The following SLC71A2 variants were observed in gnomAD, a reference collection of about 807,000 sequenced individuals.
SLC71A2 encodes solute carrier family 71 member 2.
At chr9:94,440,692 T>C in the SLC71A2 span, among the ~76,000 whole-genome samples, 6 of 152,138 alleles carry the variant, frequency 3.9e-5, no homozygotes. Flanking sequence ...TTTTTCTGTC[T>C]GTTGGCTACC....
the SLC71A2 span, among the ~76,000 whole-genome samples, chr9:94,452,611 G>A: frequency 8.0e-6 from 1 of 124,290 alleles, no homozygotes; most frequent in African/African-American, 2.9e-5. Flanking sequence ...AAGAGAGAGG[G>A]AGAATATATA....
the SLC71A2 span, among the ~76,000 whole-genome samples, chr9:94,384,471 C>T: frequency 6.6e-6 from 1 of 151,888 alleles, no homozygotes; most frequent in Non-Finnish European, 1.5e-5. Context: ...TCCCAAGTAG[C>T]TGAGAGTACA....
At chr9:94,416,085 G>T in the SLC71A2 span, among the ~76,000 whole-genome samples, 1 of 152,186 alleles carries the variant, frequency 6.6e-6, no homozygotes, top group Non-Finnish European at 1.5e-5. Flanking sequence ...CATCTATGAT[G>T]CGGTTAGAAG....
At chr9:94,459,595 CT>C in the SLC71A2 span, 24,881 of 425,016 alleles carry the variant, frequency 0.059, 3 homozygotes, top group East Asian at 0.1. Context: ...CTCTTACATT[CT>C]TTTTTTTTTT....
the SLC71A2 span, among the ~76,000 whole-genome samples, chr9:94,419,194 A>C: frequency 6.6e-6 from 1 of 151,562 alleles, no homozygotes; most frequent in African/African-American, 2.4e-5. Flanking sequence ...GCTCACTGCA[A>C]CCTCAAACTT....
the SLC71A2 span, among the ~76,000 whole-genome samples, chr9:94,387,245 C>A: frequency 6.6e-6 from 1 of 152,250 alleles, no homozygotes; most frequent in African/African-American, 2.4e-5. Context: ...GTGCTTGCCA[C>A]GTCCCTTTCT....
the SLC71A2 span, among the ~76,000 whole-genome samples, chr9:94,399,176 TG>T: frequency 6.6e-6 from 1 of 152,210 alleles, no homozygotes; most frequent in Non-Finnish European, 1.5e-5. Context: ...ACAGTTGTTT[TG>T]GGGGCCTGAG....
chr9:94,453,486 C>G, the SLC71A2 span, among the ~76,000 whole-genome samples: 1 of 152,132 alleles, frequency 6.6e-6, no homozygotes, highest in Non-Finnish European at 1.5e-5. Context: ...TTTAGACTTT[C>G]TCAACTAGTT....
At chr9:94,374,971 C>A in the SLC71A2 span, 3 of 1,226,452 alleles carry the variant, frequency 2.4e-6, no homozygotes, top group African/African-American at 1.6e-5. Flanking sequence ...CCCGGGGAGG[C>A]TGGGTGGGGT....
the SLC71A2 span, among the ~76,000 whole-genome samples, chr9:94,421,389 A>G: frequency 1.3e-5 from 2 of 152,250 alleles, no homozygotes; most frequent in South Asian, 2.1e-4. Flanking sequence ...TCACATTTCT[A>G]ATGTGACAGT....
At chr9:94,445,688 T>C in the SLC71A2 span, among the ~76,000 whole-genome samples, 1 of 152,016 alleles carries the variant, frequency 6.6e-6, no homozygotes, top group Non-Finnish European at 1.5e-5. Context: ...TTTTTTGGCA[T>C]GGGAAGGTGG....
the SLC71A2 span, among the ~76,000 whole-genome samples, chr9:94,397,807 A>G: frequency 6.6e-6 from 1 of 152,248 alleles, no homozygotes; most frequent in African/African-American, 2.4e-5. Context: ...GAAGAAGCCC[A>G]TAGAGATGAA....
At chr9:94,402,525 T>G in the SLC71A2 span, among the ~76,000 whole-genome samples, 4 of 152,240 alleles carry the variant, frequency 2.6e-5, no homozygotes, top group Admixed American at 6.5e-5. Flanking sequence ...CTCCCTTTTC[T>G]CAGATCATTT....
At chr9:94,421,613 T>C in the SLC71A2 span, among the ~76,000 whole-genome samples, 1 of 152,202 alleles carries the variant, frequency 6.6e-6, no homozygotes, top group Non-Finnish European at 1.5e-5. Context: ...CCCAAGTTGC[T>C]CAAGTCTTTC....
At chr9:94,453,335 C>A in the SLC71A2 span, among the ~76,000 whole-genome samples, 81,789 of 151,402 alleles carry the variant, frequency 0.54, 22,593 homozygotes, top group African/African-American at 0.64. Context: ...TTTTTAGTAG[C>A]GACAGGGTTT....
chr9:94,384,582 C>T, the SLC71A2 span, among the ~76,000 whole-genome samples: 2 of 152,182 alleles, frequency 1.3e-5, no homozygotes, highest in Non-Finnish European at 1.5e-5. Context: ...TCAAGTGATA[C>T]ACCCGCCTTG....
the SLC71A2 span, among the ~76,000 whole-genome samples, chr9:94,422,589 A>T: frequency 6.6e-6 from 1 of 152,122 alleles, no homozygotes; most frequent in Non-Finnish European, 1.5e-5. Flanking sequence ...AGTTTTCCAG[A>T]GTGGGTGAAC....
the SLC71A2 span, among the ~76,000 whole-genome samples, chr9:94,419,629 G>A: frequency 4.6e-5 from 7 of 152,036 alleles, no homozygotes; most frequent in Non-Finnish European, 8.8e-5. Flanking sequence ...TAGAGATGGC[G>A]TCTTGCTATG....
At chr9:94,457,065 C>T in the SLC71A2 span, among the ~76,000 whole-genome samples, 1 of 151,734 alleles carries the variant, frequency 6.6e-6, no homozygotes, top group South Asian at 2.1e-4. Context: ...CTCCTGGGCT[C>T]AAGTGATCTC....
Sources: allele counts gnomAD v4.1 joint callset (sites outside exome capture counted in the v4.1 genomes callset), GRCh38; gene constraint gnomAD v4.1.1; transcripts MANE v1.5; gene names NCBI Gene and HGNC (gene_info 2026-07-23, HGNC 2026-07-21).